The following BAIAP2 variants were observed in gnomAD, a reference collection of about 807,000 sequenced individuals.
The protein encoded by BAIAP2 is BAR/IMD domain containing adaptor protein 2, also known as BAR/IMD domain-containing adapter protein 2.
Under a neutral mutation model 63.0 loss-of-function variants are expected in BAIAP2, and 18 were observed. The observed-to-expected ratio is 0.29, with a 90% CI of 0.20 to 0.42. The LOEUF (loss-of-function observed/expected upper bound fraction) is 0.42. Among genes scored for constraint, BAIAP2 ranks in the 10% least tolerant of loss-of-function variants. The pLI, the probability that BAIAP2 is intolerant of heterozygous loss-of-function variation, is 1.00. For synonymous variants in BAIAP2, 386 were observed against 307.6 expected (o/e 1.25, Z -2.67); for missense variants, 610 against 734.3 (o/e 0.83, Z 1.96).
chr17:81,103,696 G>T lies in BAIAP2; in HGVS notation c.837G>T (p.Val279=). 1 of 1,591,464 alleles carries T rather than the reference G, an allele frequency of 6.3e-7. No individual in the cohort carries two copies. ...DPIPGAKPLP[V]PPELAPFVGR... is the part of the protein sequence containing the mutation. ...TTCCGGGGGCCAAGCCCCTGCCGGTGCCCCCCGAGCTGGCACCGTTCGTGG... is the reference window on the plus strand; with the variant it reads ...TTCCGGGGGCCAAGCCCCTGCCGGTTCCCCCCGAGCTGGCACCGTTCGTGG... Residue 279 remains valine, a synonymous_variant, in exon 8 of 14, where the codon GTG becomes GTT. Transcript: ENST00000428708.
chr17:81,052,907 C>G (rs563349446), intron 1 of BAIAP2, among the ~76,000 whole-genome samples: 1 of 152,266 alleles, frequency 6.6e-6, no homozygotes, highest in Admixed American at 6.5e-5. Context: ...CGGGAGGTGG[C>G]TGAGCTGGGG....
chr17:81,036,982 T>G, intron 1 of BAIAP2: 1 of 1,530,532 alleles, frequency 6.5e-7, no homozygotes, highest in Middle Eastern at 1.7e-4. Context: ...GGAGTGGTTT[T>G]GCTCTGGGGG....
At chr17:81,080,649 C>T (rs573966133) in intron 3 of BAIAP2, among the ~76,000 whole-genome samples, 1 of 152,318 alleles carries the variant, frequency 6.6e-6, no homozygotes, top group African/African-American at 2.4e-5. Context: ...CTCTTGACTC[C>T]ATTGTGTGTA....
rs1249994419 is a variant in BAIAP2, at chr17:81,086,445, T to C, written c.354T>C (p.Ala118=). 1 of 1,613,800 alleles carries C rather than the reference T, an allele frequency of 6.2e-7. No individual in the cohort carries two copies. Among genetic ancestry groups the C allele is most frequent in the Admixed American group, 1.7e-5 (1 of 59,994 alleles). Reference sequence around the variant, plus strand: ...GTGTTTTATTGTTTGAATCTCAGGCTGCGCTGAAGAAATACCAGACTGAGC... The same window carrying C: ...GTGTTTTATTGTTTGAATCTCAGGCCGCGCTGAAGAAATACCAGACTGAGC... ...KVELDSRYLS[A]ALKKYQTEQR... is the part of the protein sequence containing the mutation. The change falls in exon 6 of 14, where the codon GCT becomes GCC. Residue 118 remains alanine (A), a splice_region_variant and synonymous_variant. Coordinates refer to ENST00000428708, the MANE Select transcript of BAIAP2 (RefSeq NM_001144888.2).
Position 81,103,995 on chromosome 17 carries a change from C to T in BAIAP2, c.953C>T (p.Ala318Val). ...EDYSPWADRK[A>V]AQPKSLSPPQ... ...TACAGCCCGTGGGCTGACCGCAAGGCTGCCCAGCCCAAATCCCTGTCTCCT... is the reference window on the plus strand; with the variant it reads ...TACAGCCCGTGGGCTGACCGCAAGGTTGCCCAGCCCAAATCCCTGTCTCCT... The change falls in exon 9 of 14, where the codon GCT becomes GTT. Residue 318 changes from alanine to valine, a missense_variant. Physicochemically the swap from Ala to Val is moderately conservative, Grantham distance 64 (BLOSUM62 0). This residue lies in a region of BAIAP2 where 389 missense variants were observed against 455.6 expected (regional missense o/e 0.85). Transcript: ENST00000428708. 1.2e-6 allele frequency: 2 copies of T among 1,613,174 alleles called. No individual in the cohort carries two copies. The highest frequency in any genetic ancestry group is 2.2e-5 in the South Asian group (2 of 91,086).
chr17:81,062,037 G>C (rs1464757413), intron 3 of BAIAP2, among the ~76,000 whole-genome samples: 1 of 152,108 alleles, frequency 6.6e-6, no homozygotes, highest in Non-Finnish European at 1.5e-5. Context: ...TCACCTCCCA[G>C]GTTCATGCGA....
chr17:81,101,226 C>T (rs1180418614), intron 7 of BAIAP2, among the ~76,000 whole-genome samples: 1 of 152,150 alleles, frequency 6.6e-6, no homozygotes, highest in Non-Finnish European at 1.5e-5. Flanking sequence ...TGTCCCAGGA[C>T]CAAGCCTGGC....
chr17:81,057,641 C>G, intron 2 of BAIAP2: 13 of 1,294,782 alleles, frequency 1.0e-5, no homozygotes, highest in Non-Finnish European at 1.3e-5. Flanking sequence ...AGCTCAGGAC[C>G]TGAACTGGTA....
intron 1 of BAIAP2, chr17:81,036,811 G>T (rs1249156328): frequency 2.1e-6 from 3 of 1,444,986 alleles, no homozygotes; most frequent in South Asian, 2.4e-5. Flanking sequence ...AGGGAGGGAG[G>T]TTTATTAAAT....
At position 81,099,933 on chromosome 17, in the gene BAIAP2, C is replaced by T. The variant is rs773830817; in HGVS notation, c.495C>T (p.Ile165=). 1.1e-5 allele frequency: 18 copies of T among 1,612,990 alleles called. No homozygotes were observed. Among genetic ancestry groups the T allele is most frequent in the Middle Eastern group, 3.3e-4 (2 of 6,074 alleles). Residue 165 remains isoleucine, a synonymous_variant, in exon 7 of 14, where the codon ATC becomes ATT. Transcript: ENST00000428708. ...QKYSDKELQY[I]DAISNKQGEL... ...TTCTCCCTTTCCCTCCACAGTACAT[C>T]GACGCCATCAGCAACAAGCAGGGCG...
At chr17:81,091,781 A>T (rs1221152728) in intron 6 of BAIAP2, among the ~76,000 whole-genome samples, 1 of 152,174 alleles carries the variant, frequency 6.6e-6, no homozygotes, top group African/African-American at 2.4e-5. Flanking sequence ...AGAGAAGCAG[A>T]TGCCTCCCTG....
chr17:81,043,713 G>T (rs962326952), intron 1 of BAIAP2, among the ~76,000 whole-genome samples: 3 of 151,880 alleles, frequency 2.0e-5, no homozygotes, highest in Admixed American at 2.0e-4. Context: ...GGTCCTGGGT[G>T]TCCCTGCCTG....
At chr17:81,077,049 CA>C (rs1208313150) in intron 3 of BAIAP2, among the ~76,000 whole-genome samples, 3 of 152,132 alleles carry the variant, frequency 2.0e-5, no homozygotes, top group Non-Finnish European at 4.4e-5. Flanking sequence ...GGAGAAAAGC[CA>C]AATGTAGAGG....
chr17:81,081,754 C>A (rs545470767), intron 3 of BAIAP2, among the ~76,000 whole-genome samples: 2 of 152,170 alleles, frequency 1.3e-5, no homozygotes, highest in Non-Finnish European at 2.9e-5. Context: ...GCCGCTGATC[C>A]CCAGAGGTCT....
intron 1 of BAIAP2, chr17:81,037,034 G>A (rs2046371718): frequency 7.6e-7 from 1 of 1,318,582 alleles, no homozygotes; most frequent in Non-Finnish European, 1.0e-6. Context: ...TCCTAACCGG[G>A]CAGTAGGCCT....
At chr17:81,076,841 C>T (rs2053743603) in intron 3 of BAIAP2, among the ~76,000 whole-genome samples, 2 of 152,122 alleles carry the variant, frequency 1.3e-5, no homozygotes, top group African/African-American at 4.8e-5. Context: ...CATGGTGGCA[C>T]ACCCCTGTAG....
intron 1 of BAIAP2, among the ~76,000 whole-genome samples, chr17:81,036,655 C>T (rs760426266): frequency 6.6e-6 from 1 of 152,200 alleles, no homozygotes; most frequent in Non-Finnish European, 1.5e-5. Flanking sequence ...CCTAAAGCCA[C>T]GTCGGAGCCA....
intron 1 of BAIAP2, among the ~76,000 whole-genome samples, chr17:81,052,889 G>A (rs549559990): frequency 1.4e-4 from 21 of 152,156 alleles, no homozygotes; most frequent in Admixed American, 2.6e-4. Context: ...ACAAATGACC[G>A]GAAGACACGG....
chr17:81,104,379 T>G, intron 9 of BAIAP2, 135 bp from the exon 10 acceptor site: 1 of 995,846 alleles, frequency 1.0e-6, no homozygotes, highest in Non-Finnish European at 1.5e-6. Context: ...TAGCTGCTGC[T>G]GCGGAGAGCT....
Sources: gnomAD v4.1 joint callset for allele counts (sites outside exome capture counted in the v4.1 genomes callset) on GRCh38, gnomAD v4.1.1 for gene constraint, gnomAD v4.1.1 regional missense constraint, MANE v1.5 for transcripts, NCBI Gene and HGNC (gene_info 2026-07-23, HGNC 2026-07-21) for gene names.